The following ANO2 variants were observed in gnomAD, a reference collection of about 807,000 sequenced individuals.
The protein encoded by ANO2 is anoctamin 2.
Under a neutral mutation model 124.2 loss-of-function variants are expected in ANO2, and 101 were observed. The ratio of observed to expected loss-of-function variants is 0.81; its 90% confidence interval spans 0.69 to 0.96. The LOEUF is 0.96. Among genes scored for constraint, ANO2 ranks in the 40% least tolerant of loss-of-function variants. ANO2 has a pLI of 0.00. For synonymous variants in ANO2, 486 were observed against 482.5 expected (o/e 1.01, Z -0.09); for missense variants, 1,293 against 1,274.5 (o/e 1.01, Z -0.22).
intron 1 of ANO2, among the ~76,000 whole-genome samples, chr12:5,924,270 C>T (rs542987221): frequency 3.3e-5 from 5 of 152,240 alleles, no homozygotes; most frequent in African/African-American, 4.8e-5. Flanking sequence ...GGTCCCTGCA[C>T]TTGAGAAACA....
intron 14 of ANO2, among the ~76,000 whole-genome samples, chr12:5,704,451 C>A (rs1267193587): frequency 2.6e-5 from 4 of 152,100 alleles, no homozygotes; most frequent in African/African-American, 7.2e-5. Flanking sequence ...GTTTTTATAA[C>A]AATCCTGTCA....
At chr12:5,828,643 A>G (rs1351966777) in intron 6 of ANO2, among the ~76,000 whole-genome samples, 4 of 152,162 alleles carry the variant, frequency 2.6e-5, no homozygotes, top group African/African-American at 4.8e-5. Context: ...CTACATGCCC[A>G]AAACAGCCTA....
At chr12:5,705,550 T>C (rs527289799) in intron 14 of ANO2, among the ~76,000 whole-genome samples, 2 of 152,324 alleles carry the variant, frequency 1.3e-5, no homozygotes, top group East Asian at 3.9e-4. Flanking sequence ...CCAAAGGGAA[T>C]GCAATACAAG....
intron 15 of ANO2, among the ~76,000 whole-genome samples, chr12:5,645,224 C>T (rs1310328661): frequency 6.6e-6 from 1 of 152,108 alleles, no homozygotes. Flanking sequence ...TTATTCCAGC[C>T]TGTATTGCAG....
intron 3 of ANO2, among the ~76,000 whole-genome samples, chr12:5,883,504 TGTG>T (rs1239302776): frequency 6.3e-4 from 16 of 25,282 alleles, no homozygotes; most frequent in African/African-American, 1.2e-3. Flanking sequence ...ATTAGGGTGG[TGTG>T]TGTGTGTGTG....
intron 23 of ANO2, among the ~76,000 whole-genome samples, chr12:5,573,266 C>T (rs949012713): frequency 6.6e-6 from 1 of 152,142 alleles, no homozygotes; most frequent in Admixed American, 6.5e-5. Flanking sequence ...CAGTGATATA[C>T]CTGAAAAGCA....
chr12:5,877,616 CT>C (rs1301205262), intron 3 of ANO2, among the ~76,000 whole-genome samples: 3 of 152,168 alleles, frequency 2.0e-5, no homozygotes, highest in Non-Finnish European at 2.9e-5. Context: ...TCAGTTTCCC[CT>C]GCTACAAAAT....
chr12:5,853,867 C>A (rs1353187542), intron 4 of ANO2, among the ~76,000 whole-genome samples, 176 bp downstream of exon 4: 1 of 134,300 alleles, frequency 7.4e-6, no homozygotes, highest in South Asian at 3.0e-4. Flanking sequence ...CCCAACTCTT[C>A]CCCGTCCCCG....
intron 14 of ANO2, among the ~76,000 whole-genome samples, chr12:5,703,003 A>G (rs78384851): frequency 0.025 from 3,820 of 152,306 alleles, 63 homozygotes; most frequent in Middle Eastern, 0.065. Flanking sequence ...CCATTCCTAG[A>G]GAAATTCTAA....
chr12:5,852,891 G>GTGTGT (rs1190174724), intron 4 of ANO2, among the ~76,000 whole-genome samples: 6 of 139,482 alleles, frequency 4.3e-5, no homozygotes, highest in Admixed American at 2.1e-4. Context: ...GTGTGTGTGT[G>GTGTGT]GTGTATATGA....
At chr12:5,583,723 G>T in intron 20 of ANO2, 1 of 146,324 alleles carries the variant, frequency 6.8e-6, no homozygotes, top group East Asian at 2.0e-4. Flanking sequence ...TCTGCTTAAA[G>T]AAGTTGAATA....
chr12:5,926,847 G>A (rs1942103004), intron 1 of ANO2, among the ~76,000 whole-genome samples: 1 of 152,168 alleles, frequency 6.6e-6, no homozygotes, highest in South Asian at 2.1e-4. Context: ...CCAGCACCCT[G>A]CCCCAAGACA....
intron 7 of ANO2, among the ~76,000 whole-genome samples, chr12:5,810,436 T>G (rs1171511965): frequency 6.6e-6 from 1 of 152,222 alleles, no homozygotes; most frequent in African/African-American, 2.4e-5. Context: ...TTTTTTTCTT[T>G]CTTTTCAGCA....
At chr12:5,584,741 C>G (rs1406992231) in intron 20 of ANO2, among the ~76,000 whole-genome samples, 1 of 152,156 alleles carries the variant, frequency 6.6e-6, no homozygotes. Flanking sequence ...CGATTGTACA[C>G]ATAAATAGGA....
chr12:5,920,883 A>T (rs535057016), intron 3 of ANO2, among the ~76,000 whole-genome samples, 157 bp downstream of exon 3: 81 of 152,172 alleles, frequency 5.3e-4, no homozygotes, highest in South Asian at 4.8e-3. Context: ...AATTTTTTTT[A>T]AAAAAAGAAA....
chr12:5,629,970 G>T (rs576209584), intron 16 of ANO2, among the ~76,000 whole-genome samples: 1 of 152,164 alleles, frequency 6.6e-6, no homozygotes, highest in Non-Finnish European at 1.5e-5. Flanking sequence ...GTTTTTATCC[G>T]CCACTGCTGC....
chr12:5,684,290 G>C (rs1443311521), intron 14 of ANO2, among the ~76,000 whole-genome samples: 1 of 152,206 alleles, frequency 6.6e-6, no homozygotes, highest in Non-Finnish European at 1.5e-5. Context: ...CAGAGGGATA[G>C]GGATCAGGGC....
intron 14 of ANO2, among the ~76,000 whole-genome samples, chr12:5,664,332 C>T (rs1044672625): frequency 1.3e-5 from 2 of 152,126 alleles, no homozygotes; most frequent in Non-Finnish European, 2.9e-5. Flanking sequence ...TCCATCTATC[C>T]ACCCACCCAT....
intron 19 of ANO2, among the ~76,000 whole-genome samples, chr12:5,603,520 G>A (rs1944042966): frequency 6.6e-6 from 1 of 152,206 alleles, no homozygotes; most frequent in Non-Finnish European, 1.5e-5. Flanking sequence ...GAAAGGTGGA[G>A]AGAGTGTGAG....
Sources: gnomAD v4.1 joint callset for allele counts (sites outside exome capture counted in the v4.1 genomes callset) on GRCh38, gnomAD v4.1.1 for gene constraint, MANE v1.5 for transcripts, NCBI Gene and HGNC (gene_info 2026-07-23, HGNC 2026-07-21) for gene names.